Variants in PRMT8 observed in about 807,000 individuals in gnomAD.
The protein encoded by PRMT8 is protein arginine methyltransferase 8.
In PRMT8, 7 loss-of-function variants were observed where a neutral mutation model predicts 47.1. The observed-to-expected ratio is 0.15, with a 90% CI of 0.08 to 0.28. The LOEUF is 0.28. Ranked by LOEUF, PRMT8 falls within the 10% of genes least tolerant of loss-of-function variation. The pLI, the probability that PRMT8 is intolerant of heterozygous loss-of-function variation, is 1.00. For synonymous variants in PRMT8, 188 were observed against 186.5 expected, an observed-to-expected ratio of 1.01 and a Z score of -0.07; for missense variants, 237 against 505.4, an observed-to-expected ratio of 0.47 and a Z score of 5.09.
rs949934270 is a variant in PRMT8, at chr12:3,508,702, A to G, written c.75+17002A>G. Among the ~76,000 whole-genome samples, 5 of 152,090 alleles carry G rather than the reference A, an allele frequency of 3.3e-5. No individual in the cohort carries two copies. The highest frequency in any genetic ancestry group is 1.2e-4 in the African/African-American group (5 of 41,380). On this transcript the variant is annotated intron_variant, in intron 1 of 9. Coordinates refer to ENST00000382622, the MANE Select transcript of PRMT8 (RefSeq NM_019854.5). The surrounding 1 kb of genome is among the most constrained non-coding windows in gnomAD (Gnocchi z 4.9). ...TGACCCCATCCACTCTCTCAGCGTC[A>G]TGACCAGTTCCCATTCTCAGACTGC...
chr12:3,487,698 CA>C (rs1865335563), upstream of PRMT8, among the ~76,000 whole-genome samples: 1 of 152,216 alleles, frequency 6.6e-6, no homozygotes. Flanking sequence ...GGTCTCATCC[CA>C]ACCATCAACA....
At position 3,526,322 on chromosome 12, in the gene PRMT8, G is replaced by A. The variant is rs570776618; in HGVS notation, c.76-14284G>A. Among the ~76,000 whole-genome samples, 16 of 152,266 alleles carry A rather than the reference G, an allele frequency of 1.1e-4. No homozygotes were observed. In the South Asian group the frequency reaches 2.9e-3, roughly 28 times the overall value. Reference sequence around the variant, plus strand: ...CTATTGTGAGAAATGCTATGTGAACGTGGGTGTACAAATATCTCTTTAAGC... The same window carrying A: ...CTATTGTGAGAAATGCTATGTGAACATGGGTGTACAAATATCTCTTTAAGC... On this transcript the variant is annotated intron_variant, in intron 1 of 9. Coordinates refer to ENST00000382622, the MANE Select transcript of PRMT8 (RefSeq NM_019854.5).
At chr12:3,571,527 C>G (rs1258409065) in intron 6 of PRMT8, among the ~76,000 whole-genome samples, 2 of 152,244 alleles carry the variant, frequency 1.3e-5, no homozygotes, top group African/African-American at 4.8e-5. Context: ...ATGAGCCAGC[C>G]TGGGGCAGGG....
chr12:3,470,971 T>C (rs1238113179), intron 1 of PRMT8, among the ~76,000 whole-genome samples: 1 of 152,192 alleles, frequency 6.6e-6, no homozygotes, highest in Admixed American at 6.5e-5. Flanking sequence ...GGGGCTTTCC[T>C]TCAGGCCATC....
In PRMT8 at chr12:3,580,461, C is replaced by G. The variant is rs979104258; in HGVS notation, c.829-2597C>G. Among the ~76,000 whole-genome samples, 1 of 152,100 alleles carries G rather than the reference C, an allele frequency of 6.6e-6. No individual in the cohort carries two copies. The highest frequency in any genetic ancestry group is 2.4e-5 in the African/African-American group (1 of 41,390). ...AAGGTTATAGATCCAGAGACTGACACAGTCTGGATGAACCTGAGTTACGAA... is the reference window on the plus strand; with the variant it reads ...AAGGTTATAGATCCAGAGACTGACAGAGTCTGGATGAACCTGAGTTACGAA... On this transcript the variant is annotated intron_variant, in intron 7 of 9. Coordinates refer to ENST00000382622, the MANE Select transcript of PRMT8 (RefSeq NM_019854.5). The surrounding 1 kb of genome is among the most constrained non-coding windows in gnomAD (Gnocchi z 4.6).
chr12:3,485,601 A>T (rs886650880), intron 1 of PRMT8, among the ~76,000 whole-genome samples: 1 of 152,214 alleles, frequency 6.6e-6, no homozygotes, highest in African/African-American at 2.4e-5. Flanking sequence ...GATGTTATAC[A>T]CTTTTAAAAA....
chr12:3,442,482 T>C (rs12302575), intron 1 of PRMT8, among the ~76,000 whole-genome samples: 38,623 of 152,038 alleles, frequency 0.25, 5,885 homozygotes, highest in African/African-American at 0.43. Context: ...TGTCACCCCA[T>C]GTGAACAGCC....
At chr12:3,398,036 G>T (rs1170873886) in intron 1 of PRMT8, among the ~76,000 whole-genome samples, 1 of 152,158 alleles carries the variant, frequency 6.6e-6, no homozygotes, top group African/African-American at 2.4e-5. Flanking sequence ...TGCGCTTCCC[G>T]AGGAGGCAAT....
chr12:3,403,103 G>T (rs1270598552), intron 1 of PRMT8, among the ~76,000 whole-genome samples: 1 of 152,174 alleles, frequency 6.6e-6, no homozygotes, highest in Non-Finnish European at 1.5e-5. Flanking sequence ...AAGAAAATAT[G>T]CTACAGATAC....
At chr12:3,545,403 C>T (rs1311504686) in intron 2 of PRMT8, among the ~76,000 whole-genome samples, 7 of 152,172 alleles carry the variant, frequency 4.6e-5, no homozygotes, top group African/African-American at 7.2e-5. Context: ...TCTCCTAAAG[C>T]GAAAGGCTTC....
intron 1 of PRMT8, among the ~76,000 whole-genome samples, chr12:3,440,489 A>AAAACC (rs904097410): frequency 2.0e-5 from 3 of 151,882 alleles, no homozygotes; most frequent in East Asian, 1.9e-4. Flanking sequence ...AAAACAAAAC[A>AAAACC]AAACCTATTT....
In PRMT8 at chr12:3,491,719, A is replaced by G; in HGVS notation, c.75+19A>G. ...CACCGAGGTAAGGAGGCGAGCGAGC[A>G]GGGGCTCTCGGAGACCCCGCCGCCC... On this transcript the variant is annotated intron_variant, in intron 1 of 9. Transcript: ENST00000382622. The G allele has an allele frequency of 1.3e-6, 2 of 1,598,828 alleles. No homozygotes were observed. The highest frequency in any genetic ancestry group is 1.7e-6 in the Non-Finnish European group (2 of 1,176,218).
intron 1 of PRMT8, among the ~76,000 whole-genome samples, chr12:3,476,049 A>G (rs1408322818): frequency 6.6e-6 from 1 of 152,188 alleles, no homozygotes; most frequent in Non-Finnish European, 1.5e-5. Flanking sequence ...TAGAGGGACA[A>G]TCTCATTTGA....
chr12:3,420,289 GT>G (rs148613322), intron 1 of PRMT8, among the ~76,000 whole-genome samples: 2,281 of 152,320 alleles, frequency 0.015, 57 homozygotes, highest in African/African-American at 0.051. Context: ...CTTACTGGCT[GT>G]GTGATACTGA....
intron 2 of PRMT8, among the ~76,000 whole-genome samples, chr12:3,548,151 G>A (rs188528534): frequency 1.2e-4 from 18 of 152,110 alleles, no homozygotes; most frequent in Non-Finnish European, 2.4e-4. Flanking sequence ...CCATTTATTT[G>A]CAAGAAAAAA....
chr12:3,527,187 A>G (rs1865960134), intron 1 of PRMT8, among the ~76,000 whole-genome samples: 2 of 152,140 alleles, frequency 1.3e-5, no homozygotes, highest in African/African-American at 4.8e-5. Context: ...ATATTATAGC[A>G]CCTTATATAT....
rs184615928 is a variant in PRMT8 at position 3,542,727 on chromosome 12, G to A, written c.261+1936G>A. On this transcript the variant is annotated intron_variant, in intron 2 of 9. Transcript: ENST00000382622. ...TCGGAGCCTCCGTGATCGGCTTCTT[G>A]GACACCTCCCTCTGAGTTGCTAGGT... Among the ~76,000 whole-genome samples the A allele has an allele frequency of 3.7e-3, 568 of 152,296 alleles. 4 individuals are homozygous for A. Among genetic ancestry groups the A allele is most frequent in the African/African-American group, 0.012 (513 of 41,564 alleles).
At chr12:3,388,928 C>T (rs1864166615) in intron 1 of PRMT8, among the ~76,000 whole-genome samples, 1 of 152,194 alleles carries the variant, frequency 6.6e-6, no homozygotes, top group Non-Finnish European at 1.5e-5. Context: ...TGACTGTTAA[C>T]CTGGAATGTG....
chr12:3,383,848 T>C (rs895497809), intron 1 of PRMT8, among the ~76,000 whole-genome samples: 1 of 152,228 alleles, frequency 6.6e-6, no homozygotes, highest in African/African-American at 2.4e-5. Flanking sequence ...GTAAGTGGTA[T>C]TGTATTTTTA....
Sources: gnomAD v4.1 joint callset for allele counts (sites outside exome capture counted in the v4.1 genomes callset) on GRCh38, gnomAD v4.1.1 for gene constraint, Gnocchi (gnomAD v3.1) non-coding constraint, MANE v1.5 for transcripts, NCBI Gene and HGNC (gene_info 2026-07-23, HGNC 2026-07-21) for gene names.